USP31: variants seen among roughly 807,000 people sequenced by gnomAD.
USP31 encodes the protein ubiquitin carboxyl-terminal hydrolase 31.
USP31 carries 44 observed loss-of-function variants against 119.4 expected under a neutral mutation model. The observed-to-expected ratio is 0.37, with a 90% CI of 0.29 to 0.47. USP31 has a LOEUF of 0.47. Among genes scored for constraint, USP31 ranks in the 20% least tolerant of loss-of-function variants. USP31 has a pLI of 0.99. For missense variants in USP31, 1,643 were observed against 1,730.2 expected, an observed-to-expected ratio of 0.95 and a Z score of 0.89; for synonymous variants, 749 against 705.6, an observed-to-expected ratio of 1.06 and a Z score of -0.97.
chr16:23,103,663 C>G (rs1901974254), intron 5 of USP31, among the ~76,000 whole-genome samples: 1 of 152,140 alleles, frequency 6.6e-6, no homozygotes, highest in Admixed American at 6.5e-5. Context: ...GCCAGTAATC[C>G]CAGCACTTTG....
At chr16:23,102,558 G>C (rs1567236535) in intron 5 of USP31, 95 bp from the exon 6 acceptor site, 2 of 1,419,550 alleles carry the variant, frequency 1.4e-6, no homozygotes, top group East Asian at 4.7e-5. Context: ...ATCAGGACTG[G>C]CAGTGGTCTG....
chr16:23,119,246 A>T (rs968412531), intron 1 of USP31, among the ~76,000 whole-genome samples: 1 of 151,464 alleles, frequency 6.6e-6, no homozygotes, highest in Non-Finnish European at 1.5e-5. Context: ...TTACAGGCGC[A>T]TATCACCATG....
chr16:23,092,002 T>C (rs1294203343), intron 6 of USP31, among the ~76,000 whole-genome samples: 1 of 152,186 alleles, frequency 6.6e-6, no homozygotes, highest in East Asian at 1.9e-4. Flanking sequence ...AGATGTGGAC[T>C]CCTGACGAGA....
At chr16:23,133,837 A>T (rs2141897987) in intron 1 of USP31, among the ~76,000 whole-genome samples, 1 of 152,324 alleles carries the variant, frequency 6.6e-6, no homozygotes, top group African/African-American at 2.4e-5. Flanking sequence ...GCGCTTTGGG[A>T]GGAAGAGATG....
intron 1 of USP31, among the ~76,000 whole-genome samples, chr16:23,110,679 C>T (rs893202538): frequency 6.6e-6 from 1 of 152,104 alleles, no homozygotes; most frequent in Non-Finnish European, 1.5e-5. Context: ...GCCCCACTTC[C>T]TATTTGTGAG....
At chr16:23,106,604 G>T in intron 2 of USP31, 117 bp from the exon 3 acceptor site, 1 of 1,054,914 alleles carries the variant, frequency 9.5e-7, no homozygotes, top group Non-Finnish European at 1.4e-6. Flanking sequence ...ATCAAGTGCA[G>T]ATACTTCAGT....
chr16:23,132,092 T>C (rs1903046666), intron 1 of USP31, among the ~76,000 whole-genome samples: 1 of 152,194 alleles, frequency 6.6e-6, no homozygotes, highest in African/African-American at 2.4e-5. Flanking sequence ...CCACAGTCCA[T>C]GGCTTAAAAC....
chr16:23,139,482 A>G (rs904817335), intron 1 of USP31, among the ~76,000 whole-genome samples: 4 of 152,262 alleles, frequency 2.6e-5, no homozygotes, highest in African/African-American at 9.6e-5. Context: ...AAGAGCAGGT[A>G]GTCAAACTGT....
At chr16:23,094,967 C>T (rs929356587) in intron 6 of USP31, among the ~76,000 whole-genome samples, 2 of 152,162 alleles carry the variant, frequency 1.3e-5, no homozygotes, top group African/African-American at 4.8e-5. Context: ...GATCGCAGTT[C>T]CTCGCCAGCA....
intron 1 of USP31, among the ~76,000 whole-genome samples, chr16:23,127,429 A>G (rs1220079495): frequency 2.0e-5 from 3 of 152,096 alleles, no homozygotes; most frequent in African/African-American, 7.2e-5. Context: ...AAAGAAAAAA[A>G]AGAAAACCTC....
intron 12 of USP31, 45 bp from the exon 13 acceptor site, chr16:23,080,216 G>T: frequency 1.0e-5 from 15 of 1,476,314 alleles, no homozygotes; most frequent in Non-Finnish European, 1.4e-5. Context: ...TTTAATGCAA[G>T]CAGATGGCAG....
intron 1 of USP31, among the ~76,000 whole-genome samples, chr16:23,114,993 G>C (rs1423464663): frequency 6.6e-6 from 1 of 152,106 alleles, no homozygotes; most frequent in Non-Finnish European, 1.5e-5. Flanking sequence ...AAAGCAGTAG[G>C]AGTCAAGAAT....
Position 23,140,415 on chromosome 16 carries a change from A to ACAGCC in USP31, c.633+8218_633+8222dup, listed in dbSNP as rs556507931. On this transcript the variant is annotated intron_variant, in intron 1 of 15. Transcript: ENST00000219689. ...CTGCTAAACATCCTACAGTGCCAGGACAGCCCCCAACAACAAAGAATTAGC... is the reference window on the plus strand; with the variant it reads ...CTGCTAAACATCCTACAGTGCCAGGACAGCCCAGCCCCCAACAACAAAGAATTAGC... Among the ~76,000 whole-genome samples, 77 of 152,238 alleles carry ACAGCC rather than the reference A, an allele frequency of 5.1e-4. 1 individual carries two copies. In the Middle Eastern group the frequency reaches 0.014, roughly 27 times the overall value.
At chr16:23,114,053 C>A (rs866633421) in intron 1 of USP31, among the ~76,000 whole-genome samples, 1 of 151,316 alleles carries the variant, frequency 6.6e-6, no homozygotes, top group African/African-American at 2.4e-5. Flanking sequence ...TGCAGTGAGC[C>A]AAGATCGCAT....
At chr16:23,092,594 A>G (rs975127374) in intron 6 of USP31, among the ~76,000 whole-genome samples, 2 of 152,214 alleles carry the variant, frequency 1.3e-5, no homozygotes, top group Admixed American at 1.3e-4. Flanking sequence ...TCTGGACAAG[A>G]TAATTTAGGT....
At chr16:23,105,309 C>T in intron 5 of USP31, 132 bp downstream of exon 5, 3 of 1,191,318 alleles carry the variant, frequency 2.5e-6, no homozygotes, top group Non-Finnish European at 3.3e-6. Context: ...GATTTTTTTC[C>T]CTAAACTCTA....
chr16:23,100,417 C>G (rs983922704), intron 6 of USP31, among the ~76,000 whole-genome samples: 1 of 152,074 alleles, frequency 6.6e-6, no homozygotes, highest in Non-Finnish European at 1.5e-5. Context: ...TCACAAAATA[C>G]CATGTATTTT....
At chr16:23,116,139 A>T (rs1238072872) in intron 1 of USP31, among the ~76,000 whole-genome samples, 1 of 152,198 alleles carries the variant, frequency 6.6e-6, no homozygotes, top group Admixed American at 6.5e-5. Context: ...AAACCCAATC[A>T]TTGCCCACTT....
At chr16:23,076,143 G>A (rs930612734) in intron 13 of USP31, among the ~76,000 whole-genome samples, 1 of 152,012 alleles carries the variant, frequency 6.6e-6, no homozygotes, top group East Asian at 1.9e-4. Context: ...GGGTGAGAGA[G>A]CATCAGGAAG....
Sources: allele counts gnomAD v4.1 joint callset (sites outside exome capture counted in the v4.1 genomes callset), GRCh38; gene constraint gnomAD v4.1.1; transcripts MANE v1.5; gene names NCBI Gene and HGNC (gene_info 2026-07-23, HGNC 2026-07-21).